Variants in DNAJC6 observed in about 807,000 individuals in gnomAD.
The protein encoded by DNAJC6 is auxilin.
Under a neutral mutation model 110.0 loss-of-function variants are expected in DNAJC6, and 34 were observed. The observed-to-expected ratio is 0.31, with a 90% CI of 0.24 to 0.41. The LOEUF is 0.41. DNAJC6 is among the 10% of genes least tolerant of loss of function. DNAJC6 has a pLI of 1.00. For missense variants in DNAJC6, 1,031 were observed against 1,207.8 expected (o/e 0.85, Z 2.17); for synonymous variants, 406 against 437.2 (o/e 0.93, Z 0.89).
chr1:65,395,112 C>T (rs759497543), intron 13 of DNAJC6, 80 bp downstream of exon 13: 275 of 1,381,100 alleles, frequency 2.0e-4, no homozygotes, highest in Non-Finnish European at 2.5e-4. Context: ...ATAAAAGCAC[C>T]CTGTGGGTGC....
intron 1 of DNAJC6, among the ~76,000 whole-genome samples, chr1:65,325,659 T>C (rs1167140649): frequency 6.6e-6 from 1 of 152,276 alleles, no homozygotes. Flanking sequence ...TTTCTCAATA[T>C]AGCCTTAGCC....
chr1:65,343,398 G>A (rs944881471), intron 1 of DNAJC6, among the ~76,000 whole-genome samples: 7 of 152,172 alleles, frequency 4.6e-5, no homozygotes, highest in Non-Finnish European at 1.0e-4. Context: ...GCTGCCAACT[G>A]CAGTCTGAAA....
chr1:65,323,955 G>A (rs1043174347), intron 1 of DNAJC6, among the ~76,000 whole-genome samples: 5 of 152,150 alleles, frequency 3.3e-5, no homozygotes, highest in African/African-American at 7.2e-5. Context: ...ATGGAATAAG[G>A]AATAGAAAAC....
rs371996781 is a variant in DNAJC6 at position 65,389,776 on chromosome 1, T to G, written c.1468+149T>G. ...GGACTCCCACCTGTAAGCCCAGCAC[T>G]TTGGAAGGCCAGGATAGGAAGGCCA... On this transcript the variant is annotated intron_variant, in intron 11 of 18. Coordinates refer to ENST00000371069, the MANE Select transcript of DNAJC6 (RefSeq NM_001256864.2). 11 of 843,254 alleles carry G rather than the reference T, an allele frequency of 1.3e-5. No homozygotes were observed. In the Admixed American group the frequency reaches 1.4e-4, roughly 11 times the overall value. 52.2% of individuals were successfully genotyped at this position (843,254 alleles called of 1,614,324 possible).
At chr1:65,283,682 T>G (rs1305536941) in intron 1 of DNAJC6, among the ~76,000 whole-genome samples, 6 of 152,242 alleles carry the variant, frequency 3.9e-5, no homozygotes, top group African/African-American at 1.4e-4. Flanking sequence ...ATAGTGCGAT[T>G]GCTGGATTGT....
chr1:65,302,531 T>TTC (rs1306301403), intron 1 of DNAJC6, among the ~76,000 whole-genome samples: 2 of 131,760 alleles, frequency 1.5e-5, no homozygotes, highest in Non-Finnish European at 3.2e-5. Context: ...TTCTTTTTTT[T>TTC]TTTTTTTTTT....
At position 65,380,245 on chromosome 1, in the gene DNAJC6, C is replaced by T. The variant is rs549641672; in HGVS notation, c.666+721C>T. 5.3e-5 allele frequency among the ~76,000 whole-genome samples: 8 copies of T among 152,286 alleles called. No homozygotes were observed. In the East Asian group the frequency reaches 1.3e-3, roughly 26 times the overall value. On this transcript the variant is annotated intron_variant, in intron 5 of 18. Transcript: ENST00000371069. Reference sequence around the variant, plus strand: ...TGCCTTTTTTTAAACTTTTGTACTGCAGGCATAAAAGGCTTCAATAAGTGA... The same window carrying T: ...TGCCTTTTTTTAAACTTTTGTACTGTAGGCATAAAAGGCTTCAATAAGTGA...
chr1:65,385,574 C>A, intron 6 of DNAJC6, 138 bp from the exon 7 acceptor site: 2 of 696,188 alleles, frequency 2.9e-6, no homozygotes, highest in South Asian at 7.8e-5. Flanking sequence ...TTATCTTTTG[C>A]TAGTTAATAT....
At chr1:65,280,416 T>C (rs1653808813) in intron 1 of DNAJC6, among the ~76,000 whole-genome samples, 1 of 152,202 alleles carries the variant, frequency 6.6e-6, no homozygotes, top group Non-Finnish European at 1.5e-5. Flanking sequence ...TAATAATAAC[T>C]GGGCCTTCAG....
At chr1:65,292,320 GT>G (rs11431945) in intron 1 of DNAJC6, among the ~76,000 whole-genome samples, 36 of 135,732 alleles carry the variant, frequency 2.7e-4, no homozygotes, top group Non-Finnish European at 3.3e-4. Flanking sequence ...ACCCGGCCTG[GT>G]TTTTTTTTTT....
intron 4 of DNAJC6, among the ~76,000 whole-genome samples, chr1:65,369,342 T>C (rs1645684293): frequency 6.6e-6 from 1 of 152,190 alleles, no homozygotes. Context: ...GACCTTTCTT[T>C]CCCCAGCACT....
intron 1 of DNAJC6, among the ~76,000 whole-genome samples, chr1:65,346,648 A>G (rs1400298663): frequency 6.6e-6 from 1 of 151,876 alleles, no homozygotes; most frequent in African/African-American, 2.4e-5. Flanking sequence ...TGCTTAGGGG[A>G]GACTGTAATA....
rs575029992 is a variant in DNAJC6, at chr1:65,282,581, A to T, written c.-131+17649A>T. On this transcript the variant is annotated intron_variant, in intron 1 of 19. Transcript: ENST00000263441. The stretch of plus-strand genomic sequence containing the variant: ...GGAAAAATCAAGATATTAACCTGTC[A>T]CCAGAAGGAGGAGGGATGGATGGTG... 3.3e-5 allele frequency among the ~76,000 whole-genome samples: 5 copies of T among 152,278 alleles called. No homozygotes were observed. The East Asian group carries it at 9.7e-4, about 29-fold the overall frequency.
At chr1:65,307,018 C>CTCTCTCTA (rs1465563773), upstream of DNAJC6, among the ~76,000 whole-genome samples, 8 of 70,700 alleles carry the variant, frequency 1.1e-4, no homozygotes, top group African/African-American at 3.7e-4. Context: ...CTCTCTCTCT[C>CTCTCTCTA]TATATATATA....
chr1:65,294,120 T>A (rs1204187311), intron 1 of DNAJC6, among the ~76,000 whole-genome samples: 1 of 152,200 alleles, frequency 6.6e-6, no homozygotes, highest in Non-Finnish European at 1.5e-5. Context: ...AAAATGATAA[T>A]GGTTAAGACA....
Position 65,392,763 on chromosome 1 carries a change from G to A in DNAJC6, c.1801G>A (p.Val601Met), listed in dbSNP as rs767759968. The A allele has an allele frequency of 3.7e-6, 6 of 1,612,268 alleles. No homozygotes were observed. Among genetic ancestry groups the A allele is most frequent in the Non-Finnish European group, 5.1e-6 (6 of 1,179,148 alleles). ...TCCCACCCAGGCTGGACAGTCAGGA[G>A]TGGAAGATGTGTTTCATCCTAGTGG... The part of the protein sequence containing the change: ...AGPTQAGQSG[V>M]EDVFHPSGPA... The change falls in exon 12 of 19, where the codon GTG (valine) becomes ATG (methionine). Residue 601 changes from valine (V) to methionine (M), a missense_variant. Val to Met is a conservative substitution (Grantham distance 21). Transcript: ENST00000371069.
At chr1:65,356,787 T>C (rs1645548238) in intron 1 of DNAJC6, among the ~76,000 whole-genome samples, 1 of 151,590 alleles carries the variant, frequency 6.6e-6, no homozygotes, top group South Asian at 2.1e-4. Context: ...CCTAGAGGAG[T>C]AAAATGACAT....
rs1247150251 is a variant in DNAJC6, at chr1:65,413,079, C to T, written c.*54C>T. 6.5e-7 allele frequency: 1 copy of T among 1,531,300 alleles called. No individual in the cohort carries two copies. Among genetic ancestry groups the T allele is most frequent in the Non-Finnish European group, 9.0e-7 (1 of 1,116,110 alleles). 94.9% of individuals were successfully genotyped at this position (1,531,300 alleles called of 1,614,324 possible). ...ACCTGTGCTAATGCTTAGTGTGTGT[C>T]ACAATTCTGAGGTTTTCGCAGATGA... On this transcript the variant is annotated 3_prime_UTR_variant, in exon 19 of 19. Coordinates refer to ENST00000371069, the MANE Select transcript of DNAJC6 (RefSeq NM_001256864.2).
chr1:65,275,397 T>A (rs1653637100), intron 1 of DNAJC6, among the ~76,000 whole-genome samples: 1 of 152,234 alleles, frequency 6.6e-6, no homozygotes, highest in African/African-American at 2.4e-5. Flanking sequence ...TAAAACATGT[T>A]ATCCCATTGT....
Sources: gnomAD v4.1 joint callset for allele counts (sites outside exome capture counted in the v4.1 genomes callset) on GRCh38, gnomAD v4.1.1 for gene constraint, MANE v1.5 for transcripts, NCBI Gene and HGNC (gene_info 2026-07-23, HGNC 2026-07-21) for gene names.